Variants in SEC31A observed in about 807,000 individuals in gnomAD.
SEC31A encodes the protein protein transport protein Sec31A.
In SEC31A, 70 loss-of-function variants were observed where a neutral mutation model predicts 151.0. That is an observed-to-expected ratio of 0.46 (90% CI 0.38 to 0.57). The LOEUF (loss-of-function observed/expected upper bound fraction) is 0.57, where lower values mean the gene tolerates loss of function less well. Ranked by LOEUF, SEC31A falls within the 20% of genes least tolerant of loss-of-function variation. SEC31A has a pLI of 0.00. For missense variants in SEC31A, 1,330 were observed against 1,471.2 expected (o/e 0.90, Z 1.57); for synonymous variants, 475 against 505.9 (o/e 0.94, Z 0.82).
intron 8 of SEC31A, among the ~76,000 whole-genome samples, chr4:82,868,798 C>T (rs1416482811): frequency 2.6e-5 from 4 of 151,852 alleles, no homozygotes; most frequent in African/African-American, 4.8e-5. Context: ...TGGGCTCAAG[C>T]GATCCTCCTA....
chr4:82,866,752 ACTTTGGTAT>A, intron 10 of SEC31A, 47 bp downstream of exon 10: 3 of 1,483,050 alleles, frequency 2.0e-6, no homozygotes, highest in Non-Finnish European at 2.7e-6. Flanking sequence ...CTATAATAAC[ACTTTGGTAT>A]AAAAAGTCCT....
At chr4:82,830,383 C>T (rs1187012799) in intron 22 of SEC31A, among the ~76,000 whole-genome samples, 1 of 152,210 alleles carries the variant, frequency 6.6e-6, no homozygotes, top group East Asian at 1.9e-4. Context: ...TTGCTTGAAC[C>T]TGGGAGGTGG....
intron 22 of SEC31A, among the ~76,000 whole-genome samples, chr4:82,841,014 TA>T (rs1409183122): frequency 6.6e-6 from 1 of 152,240 alleles, no homozygotes; most frequent in African/African-American, 2.4e-5. Flanking sequence ...TAGCTTGCTG[TA>T]ACTTTTTTAC....
intron 11 of SEC31A, among the ~76,000 whole-genome samples, chr4:82,863,912 G>A (rs1458985914): frequency 3.3e-5 from 5 of 152,190 alleles, no homozygotes; most frequent in African/African-American, 1.2e-4. Flanking sequence ...GACCAACCAG[G>A]AAATTCTATT....
At chr4:82,834,835 T>C (rs1395870079) in intron 22 of SEC31A, among the ~76,000 whole-genome samples, 1 of 152,140 alleles carries the variant, frequency 6.6e-6, no homozygotes, top group Non-Finnish European at 1.5e-5. Context: ...CTTCTCCTAC[T>C]CAAGGATTTT....
intron 9 of SEC31A, 28 bp from the exon 10 acceptor site, chr4:82,866,988 T>A (rs1228603667): frequency 6.3e-7 from 1 of 1,597,336 alleles, no homozygotes; most frequent in Non-Finnish European, 8.5e-7. Context: ...AACATAAGCA[T>A]CCGACCATAC....
At chr4:82,852,582 A>G (rs1428359852) in intron 18 of SEC31A, among the ~76,000 whole-genome samples, 1 of 137,438 alleles carries the variant, frequency 7.3e-6, no homozygotes, top group Non-Finnish European at 1.5e-5. Flanking sequence ...TTGATTTCCT[A>G]CCCATTTTTT....
chr4:82,865,010 G>C (rs147974992), intron 10 of SEC31A, among the ~76,000 whole-genome samples: 145 of 152,222 alleles, frequency 9.5e-4, no homozygotes, highest in African/African-American at 3.3e-3. Context: ...CTAACCTCAA[G>C]TGATCCACCC....
intron 1 of SEC31A, among the ~76,000 whole-genome samples, chr4:82,882,933 C>T (rs1457580713): frequency 6.6e-6 from 1 of 152,190 alleles, no homozygotes; most frequent in African/African-American, 2.4e-5. Flanking sequence ...GCCTCGCCAA[C>T]ATGGCAAAAC....
At chr4:82,896,579 A>T (rs948803827) in intron 3 of SEC31A, among the ~76,000 whole-genome samples, 13 of 152,124 alleles carry the variant, frequency 8.5e-5, no homozygotes, top group African/African-American at 2.7e-4. Flanking sequence ...GCAACACGGC[A>T]AAACCCCTTC....
intron 1 of SEC31A, among the ~76,000 whole-genome samples, chr4:82,888,603 C>T (rs1028471232): frequency 2.0e-5 from 3 of 151,698 alleles, no homozygotes; most frequent in Non-Finnish European, 4.4e-5. Flanking sequence ...GGAGGAGAAT[C>T]GCTTGAACCC....
chr4:82,882,076 G>A (rs937922467), intron 1 of SEC31A, 136 bp from the exon 2 acceptor site: 27 of 702,828 alleles, frequency 3.8e-5, no homozygotes, highest in African/African-American at 5.3e-5. Context: ...AAATCAAATC[G>A]GTTTAGGTGT....
intron 18 of SEC31A, among the ~76,000 whole-genome samples, chr4:82,852,778 A>G (rs1364512597): frequency 2.0e-5 from 3 of 152,178 alleles, no homozygotes; most frequent in Non-Finnish European, 2.9e-5. Flanking sequence ...TTGCTTGTGT[A>G]TTGGTGTCAC....
At chr4:82,824,736 T>A in intron 24 of SEC31A, 62 bp from the exon 25 acceptor site, 1 of 1,559,832 alleles carries the variant, frequency 6.4e-7, no homozygotes, top group Non-Finnish European at 8.6e-7. Flanking sequence ...ATACACAATC[T>A]TGAATCTATG....
At position 82,829,014 on chromosome 4, in the gene SEC31A, G is replaced by A. The variant is rs1302575618; in HGVS notation, c.3013C>T (p.Pro1005Ser). 1.9e-6 allele frequency: 3 copies of A among 1,613,384 alleles called. No individual in the cohort carries two copies. The highest frequency in any genetic ancestry group is 2.5e-6 in the Non-Finnish European group (3 of 1,179,500). ...TTTTCTAGTACCTTCTTCTTTTTGGGTACTCTGTTCAAAGCTGGAGGGTCA... is the reference window on the plus strand; with the variant it reads ...TTTTCTAGTACCTTCTTCTTTTTGGATACTCTGTTCAAAGCTGGAGGGTCA... ...WNDPPALNRV[P>S]KKKKMPENFM... is the part of the protein sequence containing the mutation. Residue 1005 changes from proline (P) to serine (S), a missense_variant, in exon 23 of 27, where the codon CCC becomes TCC. By Grantham distance (74) the Pro-to-Ser change is moderately conservative. Coordinates refer to ENST00000395310, the MANE Select transcript of SEC31A (RefSeq NM_001077207.4).
chr4:82,857,908 CA>C, intron 14 of SEC31A, 144 bp from the exon 15 acceptor site: 1 of 552,542 alleles, frequency 1.8e-6, no homozygotes, highest in Non-Finnish European at 3.2e-6. Flanking sequence ...TCCAAATTTA[CA>C]ACTAAGATCT....
intron 6 of SEC31A, among the ~76,000 whole-genome samples, chr4:82,873,083 G>A (rs1298185973): frequency 2.6e-5 from 4 of 152,118 alleles, no homozygotes; most frequent in Non-Finnish European, 5.9e-5. Flanking sequence ...CATACAGGCT[G>A]GGCGTGGTGG....
chr4:82,887,340 C>T (rs1740958732), intron 1 of SEC31A, among the ~76,000 whole-genome samples: 2 of 151,766 alleles, frequency 1.3e-5, no homozygotes, highest in African/African-American at 2.4e-5. Flanking sequence ...AAAGCATTTA[C>T]TAAAGTTTAT....
chr4:82,893,848 G>C (rs1719945779), upstream of SEC31A: 2 of 152,248 alleles, frequency 1.3e-5, no homozygotes, highest in Non-Finnish European at 2.9e-5. Flanking sequence ...CTAAAGAACT[G>C]AGAGTTCTGG....
Sources: gnomAD v4.1 joint callset for allele counts (sites outside exome capture counted in the v4.1 genomes callset) on GRCh38, gnomAD v4.1.1 for gene constraint, MANE v1.5 for transcripts, NCBI Gene and HGNC (gene_info 2026-07-23, HGNC 2026-07-21) for gene names.